The following SMCO4 variants were observed in gnomAD, a reference collection of about 807,000 sequenced individuals.
The protein encoded by SMCO4 is single-pass membrane and coiled-coil domain-containing protein 4.
In SMCO4, 4 loss-of-function variants were observed where a neutral mutation model predicts 3.6. That is an observed-to-expected ratio of 1.11 (90% CI 0.54 to 2.53). The LOEUF is 2.53. SMCO4 is among the 30% of genes most tolerant of loss of function. The pLI is 0.02. For missense variants in SMCO4, 70 were observed against 80.8 expected, an observed-to-expected ratio of 0.87 and a Z score of 0.51; for synonymous variants, 36 against 35.3, an observed-to-expected ratio of 1.02 and a Z score of -0.07.
chr11:93,490,547 ATCAG>A (rs1270623974), intron 2 of SMCO4, among the ~76,000 whole-genome samples: 1 of 152,202 alleles, frequency 6.6e-6, no homozygotes, highest in Non-Finnish European at 1.5e-5. Flanking sequence ...AGATTTCACA[ATCAG>A]TCAATGAGTT....
At chr11:93,549,695 G>A in the SMCO4 span, among the ~76,000 whole-genome samples, 1 of 151,914 alleles carries the variant, frequency 6.6e-6, no homozygotes, top group East Asian at 1.9e-4. Flanking sequence ...CTGGGCTCAA[G>A]TGATCCTTCC....
chr11:93,503,655 A>AC (rs766845593), intron 1 of SMCO4, among the ~76,000 whole-genome samples: 16 of 152,300 alleles, frequency 1.1e-4, no homozygotes, highest in Non-Finnish European at 2.2e-4. Context: ...ACAGACACAC[A>AC]CTGTGAAAAC....
intron 1 of SMCO4, among the ~76,000 whole-genome samples, chr11:93,507,808 G>A (rs1368847548): frequency 6.6e-6 from 1 of 152,164 alleles, no homozygotes; most frequent in African/African-American, 2.4e-5. Context: ...TGTAAGGCTG[G>A]ATTTTCTCCA....
At chr11:93,527,630 A>T (rs929795169) in intron 1 of SMCO4, among the ~76,000 whole-genome samples, 2 of 151,782 alleles carry the variant, frequency 1.3e-5, no homozygotes, top group African/African-American at 2.4e-5. Context: ...CTAATTTTTT[A>T]AAAATTTTTT....
At chr11:93,501,770 C>T (rs1007272226) in intron 1 of SMCO4, among the ~76,000 whole-genome samples, 1 of 152,076 alleles carries the variant, frequency 6.6e-6, no homozygotes, top group South Asian at 2.1e-4. Flanking sequence ...CCAACTACGG[C>T]GGGTTTGGGT....
At chr11:93,500,627 T>C (rs1948826391) in intron 1 of SMCO4, among the ~76,000 whole-genome samples, 1 of 152,180 alleles carries the variant, frequency 6.6e-6, no homozygotes, top group Non-Finnish European at 1.5e-5. Context: ...GAGTCATGAA[T>C]GCCAAGTAAA....
intron 1 of SMCO4, among the ~76,000 whole-genome samples, chr11:93,512,850 T>C (rs564837721): frequency 1.3e-5 from 2 of 152,274 alleles, no homozygotes; most frequent in East Asian, 3.9e-4. Context: ...TACAATACAA[T>C]ACAGGGCAAT....
intron 2 of SMCO4, among the ~76,000 whole-genome samples, chr11:93,482,612 C>T (rs1032081521): frequency 2.0e-5 from 3 of 152,152 alleles, no homozygotes; most frequent in African/African-American, 7.2e-5. Context: ...CAAAAGAGAA[C>T]GTGCTGTCGT....
At chr11:93,531,748 G>C (rs1949164915) in intron 1 of SMCO4, among the ~76,000 whole-genome samples, 1 of 152,054 alleles carries the variant, frequency 6.6e-6, no homozygotes, top group East Asian at 1.9e-4. Flanking sequence ...ATAAATCTTG[G>C]GGCCCCCAAA....
chr11:93,538,898 C>G (rs530455546), intron 1 of SMCO4, among the ~76,000 whole-genome samples: 3 of 152,332 alleles, frequency 2.0e-5, no homozygotes, highest in African/African-American at 7.2e-5. Context: ...AAACTCCAGA[C>G]AGCCACCGAG....
intron 1 of SMCO4, among the ~76,000 whole-genome samples, chr11:93,526,787 T>C (rs1385740902): frequency 6.6e-6 from 1 of 152,138 alleles, no homozygotes; most frequent in Non-Finnish European, 1.5e-5. Flanking sequence ...GGAACAGGCA[T>C]TTTTATCACT....
intron 2 of SMCO4, among the ~76,000 whole-genome samples, chr11:93,492,785 AAGG>A (rs1296329876): frequency 6.6e-6 from 1 of 152,248 alleles, no homozygotes. Flanking sequence ...GGGACTAGCC[AAGG>A]AGCTGAGACG....
chr11:93,517,784 C>A (rs542871289), intron 1 of SMCO4, among the ~76,000 whole-genome samples: 87 of 152,304 alleles, frequency 5.7e-4, no homozygotes, highest in Admixed American at 2.4e-3. Flanking sequence ...TGCCCCCAGG[C>A]CAAGTGACAA....
At position 93,479,314 on chromosome 11, in the gene SMCO4, A is replaced by G. The variant is rs117972535; in HGVS notation, c.-80-45T>C. ...GATAGTAGAGAATAAACCAAATAGA[A>G]GAAAAAATAAATCACTTAAAGGCAA... is the stretch of plus-strand genomic sequence containing the variant. On this transcript the variant is annotated intron_variant, in intron 2 of 2. Coordinates refer to ENST00000298966, the MANE Select transcript of SMCO4 (RefSeq NM_020179.3). The G allele has an allele frequency of 5.9e-3, 8,368 of 1,425,576 alleles. 36 individuals carry two copies. The highest frequency in any genetic ancestry group is 7.2e-3 in the Non-Finnish European group (7,854 of 1,087,844). 88.3% of individuals were successfully genotyped at this position (1,425,576 alleles called of 1,614,324 possible).
rs182511015 is a variant in SMCO4, at chr11:93,506,881, G to T, written c.-153-7533C>A. 2.6e-5 allele frequency among the ~76,000 whole-genome samples: 4 copies of T among 152,194 alleles called. No homozygotes were observed. In the East Asian group the frequency reaches 7.7e-4, roughly 29 times the overall value. On this transcript the variant is annotated intron_variant, in intron 1 of 2. Transcript: ENST00000298966. ...GCACTTCCGCTGCAGGCCAGAGTGC[G>T]GTGGTTGTCTTTGGGAAGAAAAAGT... is the stretch of plus-strand genomic sequence containing the variant.
At chr11:93,496,924 G>C (rs1419379959) in intron 2 of SMCO4, among the ~76,000 whole-genome samples, 1 of 152,130 alleles carries the variant, frequency 6.6e-6, no homozygotes, top group African/African-American at 2.4e-5. Context: ...TACACTATGG[G>C]GAGTAACCTG....
intron 1 of SMCO4, among the ~76,000 whole-genome samples, chr11:93,503,897 A>G (rs1948873381): frequency 6.6e-6 from 1 of 152,234 alleles, no homozygotes; most frequent in South Asian, 2.1e-4. Context: ...AAACTAATAC[A>G]AGTCCATGTT....
chr11:93,511,144 C>T (rs1020786364), intron 1 of SMCO4, among the ~76,000 whole-genome samples: 3 of 151,924 alleles, frequency 2.0e-5, no homozygotes, highest in Non-Finnish European at 4.4e-5. Flanking sequence ...TTTTGACCCA[C>T]CCACAGAAAT....
intron 2 of SMCO4, among the ~76,000 whole-genome samples, chr11:93,497,017 G>C (rs1260841613): frequency 6.6e-6 from 1 of 152,142 alleles, no homozygotes; most frequent in Non-Finnish European, 1.5e-5. Flanking sequence ...AACATAAAAA[G>C]ACCAGAGATG....
Sources: allele counts gnomAD v4.1 joint callset (sites outside exome capture counted in the v4.1 genomes callset), GRCh38; gene constraint gnomAD v4.1.1; transcripts MANE v1.5; gene names NCBI Gene and HGNC (gene_info 2026-07-23, HGNC 2026-07-21).